The following TRAPPC10 variants were observed in gnomAD, a reference collection of about 807,000 sequenced individuals.
TRAPPC10 encodes TRAPP 130 kDa subunit.
TRAPPC10 carries 23 observed loss-of-function variants against 125.5 expected under a neutral mutation model. That is an observed-to-expected ratio of 0.18 (90% CI 0.13 to 0.26). The LOEUF is 0.26. TRAPPC10 is among the 10% of genes least tolerant of loss of function. TRAPPC10 has a pLI of 1.00. For missense variants in TRAPPC10, 1,123 were observed against 1,308.4 expected, an observed-to-expected ratio of 0.86 and a Z score of 2.19; for synonymous variants, 509 against 518.0, an observed-to-expected ratio of 0.98 and a Z score of 0.24.
At chr21:44,076,675 C>G (rs1466853600) in intron 10 of TRAPPC10, 47 bp downstream of exon 10, 2 of 1,508,240 alleles carry the variant, frequency 1.3e-6, no homozygotes, top group East Asian at 2.3e-5. Context: ...ATACCTGTCT[C>G]TAGAAGGCTT....
At chr21:44,052,565 A>T (rs1304656274) in intron 4 of TRAPPC10, 89 bp downstream of exon 4, 7 of 1,251,512 alleles carry the variant, frequency 5.6e-6, no homozygotes, top group Non-Finnish European at 7.7e-6. Flanking sequence ...ATATTTACTC[A>T]GCAATCTCGA....
chr21:44,032,215 T>C, intron 2 of TRAPPC10, 43 bp downstream of exon 2: 1 of 1,502,436 alleles, frequency 6.7e-7, no homozygotes, highest in Admixed American at 1.9e-5. Context: ...CTCTTCATTT[T>C]TTAAAATGAA....
At chr21:44,051,653 C>T (rs191410932) in intron 3 of TRAPPC10, among the ~76,000 whole-genome samples, 57 of 152,302 alleles carry the variant, frequency 3.7e-4, no homozygotes, top group African/African-American at 1.2e-3. Context: ...TGCTGCCTGT[C>T]GGGAAGTAGA....
At chr21:44,071,657 C>T (rs2036876478) in intron 7 of TRAPPC10, among the ~76,000 whole-genome samples, 1 of 152,200 alleles carries the variant, frequency 6.6e-6, no homozygotes, top group African/African-American at 2.4e-5. Flanking sequence ...GTGTATGCCA[C>T]ATCATATGCC....
chr21:44,086,651 A>G, intron 15 of TRAPPC10, 151 bp from the exon 16 acceptor site: 2 of 817,702 alleles, frequency 2.4e-6, no homozygotes, highest in East Asian at 2.6e-5. Context: ...GTTAGGGCAG[A>G]AGGGAATGGA....
At chr21:44,064,303 A>ATGTGTGTGTGTG (rs10526131) in intron 7 of TRAPPC10, among the ~76,000 whole-genome samples, 2 of 148,212 alleles carry the variant, frequency 1.3e-5, no homozygotes, top group African/African-American at 2.5e-5. Context: ...TGTCATAAAT[A>ATGTGTGTGTGTG]TGTGTGTGTG....
chr21:44,037,980 T>C, intron 3 of TRAPPC10, 53 bp downstream of exon 3: 1 of 1,585,174 alleles, frequency 6.3e-7, no homozygotes, highest in South Asian at 1.1e-5. Flanking sequence ...TGGAGATGCG[T>C]GGAGAGTGCT....
In TRAPPC10 at chr21:44,087,821, G is replaced by T; in HGVS notation, c.2662G>T (p.Ala888Ser). ...FELEVLSLPS[A>S]PALGGESDML... ...ACTGGAAGTTCTCTCTTTACCTTCA[G>T]CCCCAGCACTCGGAGGGGAGAGTGA... The change falls in exon 17 of 23, where the codon GCC becomes TCC. Residue 888 changes from alanine (A) to serine (S), a missense_variant. Transcript: ENST00000291574. This position sits in a 1 kb window ranked among gnomAD's most constrained non-coding sequence, Gnocchi z 4.6. The T allele has an allele frequency of 6.2e-7, 1 of 1,614,220 alleles. No homozygotes were observed. The highest frequency in any genetic ancestry group is 8.5e-7 in the Non-Finnish European group (1 of 1,180,046).
rs758518748 is a variant in TRAPPC10, at chr21:44,063,407, G to A, written c.791-131G>A. On this transcript the variant is annotated intron_variant, in intron 6 of 22. Coordinates refer to ENST00000291574, the MANE Select transcript of TRAPPC10 (RefSeq NM_003274.5). This position sits in a 1 kb window ranked among gnomAD's most constrained non-coding sequence, Gnocchi z 4.4. ...AGCCGAATGCATCACTAGACCACAGGGGGTGGGCCAGTGTTCATAGAAAAA... is the reference window on the plus strand; with the variant it reads ...AGCCGAATGCATCACTAGACCACAGAGGGTGGGCCAGTGTTCATAGAAAAA... 1.2e-5 allele frequency: 16 copies of A among 1,354,566 alleles called. No homozygotes were observed. Among genetic ancestry groups the A allele is most frequent in the East Asian group, 2.3e-5 (1 of 43,350 alleles). The allele number at this position is 1,354,566 out of a possible 1,614,324, so 83.9% of individuals were successfully genotyped here.
intron 7 of TRAPPC10, among the ~76,000 whole-genome samples, chr21:44,067,053 C>T (rs527839737): frequency 1.3e-5 from 2 of 152,308 alleles, no homozygotes; most frequent in East Asian, 1.9e-4. Context: ...TTTCATTCAG[C>T]GTTTGACCTT....
chr21:44,016,873 T>G lies in TRAPPC10; in HGVS notation c.67+4313T>G, dbSNP rs537503661. On this transcript the variant is annotated intron_variant, in intron 1 of 22. Coordinates refer to ENST00000291574, the MANE Select transcript of TRAPPC10 (RefSeq NM_003274.5). ...CGGGGTTTCACCGTGTCAGCCAGGA[T>G]GGTCTTGATCTGACCTTGTGATCTG... Among the ~76,000 whole-genome samples the G allele has an allele frequency of 1.5e-4, 23 of 152,330 alleles. No individual in the cohort carries two copies. The East Asian group carries it at 2.1e-3, about 14-fold the overall frequency.
intron 2 of TRAPPC10, among the ~76,000 whole-genome samples, chr21:44,034,679 G>C (rs903399967): frequency 2.0e-5 from 3 of 152,158 alleles, no homozygotes; most frequent in Non-Finnish European, 4.4e-5. Context: ...TTGGAATAAG[G>C]GTCTTCGCAG....
In TRAPPC10 at chr21:44,062,976, T is replaced by C; in HGVS notation, c.791-562T>C. ...GATGTAAGTAAACCTCTGGGAGCCT[T>C]GCTGAAATTTTCGACAAGCAGTAAT... On this transcript the variant is annotated intron_variant, in intron 6 of 22. Coordinates refer to ENST00000291574, the MANE Select transcript of TRAPPC10 (RefSeq NM_003274.5). 2.3e-6 allele frequency: 3 copies of C among 1,302,954 alleles called. No individual in the cohort carries two copies. The South Asian group carries it at 3.7e-5, about 16-fold the overall frequency. 80.7% of individuals were successfully genotyped at this position (1,302,954 alleles called of 1,614,324 possible).
intron 3 of TRAPPC10, among the ~76,000 whole-genome samples, chr21:44,043,377 C>G (rs921483281): frequency 6.6e-6 from 1 of 151,854 alleles, no homozygotes; most frequent in Non-Finnish European, 1.5e-5. Flanking sequence ...CCACCCCTGG[C>G]TAATTTTTGT....
At chr21:44,066,257 G>C (rs1387827432) in intron 7 of TRAPPC10, among the ~76,000 whole-genome samples, 1 of 152,224 alleles carries the variant, frequency 6.6e-6, no homozygotes, top group Non-Finnish European at 1.5e-5. Context: ...AGCTGTGATG[G>C]AAACTAGCCC....
At chr21:44,017,124 G>A (rs111983022) in intron 1 of TRAPPC10, among the ~76,000 whole-genome samples, 3,041 of 152,268 alleles carry the variant, frequency 0.02, 63 homozygotes, top group Non-Finnish European at 0.024. Context: ...AATTCTCAAG[G>A]CAATGTTGAA....
At chr21:44,029,666 T>C (rs1346964163) in intron 1 of TRAPPC10, among the ~76,000 whole-genome samples, 2 of 152,162 alleles carry the variant, frequency 1.3e-5, no homozygotes, top group Non-Finnish European at 2.9e-5. Context: ...ATGCGCTGTG[T>C]CACAGCTCTG....
chr21:44,075,064 G>A lies in TRAPPC10; in HGVS notation c.1211G>A (p.Gly404Glu). Reference sequence around the variant, plus strand: ...TTAAAGTCCTTGGGCTATCTATGTGGACTTGTGTCAGAGAAAGGACCTAAC... The same window carrying A: ...TTAAAGTCCTTGGGCTATCTATGTGAACTTGTGTCAGAGAAAGGACCTAAC... ...EKLKSLGYLC[G>E]LVSEKGPNSE... The change falls in exon 9 of 23, where the codon GGA becomes GAA. Residue 404 changes from glycine to glutamate, a missense_variant. Physicochemically the swap from Gly to Glu is moderately conservative, Grantham distance 98. This residue lies in a region of TRAPPC10 where 840 missense variants were observed against 902.0 expected (regional missense o/e 0.93). Transcript: ENST00000291574. The A allele has an allele frequency of 6.2e-7, 1 of 1,614,004 alleles. No individual in the cohort carries two copies. Among genetic ancestry groups the A allele is most frequent in the Non-Finnish European group, 8.5e-7 (1 of 1,179,900 alleles).
At chr21:44,078,425 C>T (rs980622091) in intron 11 of TRAPPC10, among the ~76,000 whole-genome samples, 26 of 137,314 alleles carry the variant, frequency 1.9e-4, no homozygotes, top group Non-Finnish European at 3.1e-4. Flanking sequence ...GAAAAAGATG[C>T]TTGTTTTCAT....
Sources: allele counts gnomAD v4.1 joint callset (sites outside exome capture counted in the v4.1 genomes callset), GRCh38; gene constraint gnomAD v4.1.1; regional missense constraint gnomAD v4.1.1; non-coding constraint Gnocchi (gnomAD v3.1); transcripts MANE v1.5; gene names NCBI Gene and HGNC (gene_info 2026-07-23, HGNC 2026-07-21).